Variants in LY75 observed in about 807,000 individuals in gnomAD.
LY75 encodes the protein lymphocyte antigen 75.
Under a neutral mutation model 231.7 loss-of-function variants are expected in LY75, and 185 were observed. The ratio of observed to expected loss-of-function variants is 0.80; its 90% CI spans 0.71 to 0.90. The LOEUF is 0.90. LY75 is among the 40% of genes least tolerant of loss of function. LY75 has a pLI of 0.00. For synonymous variants in LY75, 668 were observed against 689.0 expected, an observed-to-expected ratio of 0.97 and a Z score of 0.48; for missense variants, 1,947 against 2,050.2, an observed-to-expected ratio of 0.95 and a Z score of 0.97.
intron 32 of LY75, among the ~76,000 whole-genome samples, chr2:159,809,868 A>G (rs1682905355): frequency 6.6e-6 from 1 of 151,268 alleles, no homozygotes; most frequent in African/African-American, 2.4e-5. Flanking sequence ...AGTAGAGACG[A>G]GGGCTCGCCA....
chr2:159,848,085 T>TACACACACACACAC (rs1684260219), intron 23 of LY75, among the ~76,000 whole-genome samples: 2 of 33,968 alleles, frequency 5.9e-5, no homozygotes, highest in African/African-American at 2.6e-4. Context: ...TATATATATA[T>TACACACACACACAC]ATATATATAC....
chr2:159,824,422 C>T (rs573048496), intron 28 of LY75, among the ~76,000 whole-genome samples: 2 of 152,306 alleles, frequency 1.3e-5, no homozygotes, highest in African/African-American at 4.8e-5. Context: ...AGTTAACTAT[C>T]CAAAACATAT....
intron 2 of LY75, among the ~76,000 whole-genome samples, chr2:159,896,032 T>A (rs1341422163): frequency 2.4e-4 from 36 of 152,180 alleles, no homozygotes; most frequent in Non-Finnish European, 1.5e-5. Flanking sequence ...ATTTGTGAGA[T>A]GAGGTGATTA....
Position 159,840,895 on chromosome 2 carries a change from A to G in LY75, c.3341T>C (p.Leu1114Pro). 1 of 1,614,074 alleles carries G rather than the reference A, an allele frequency of 6.2e-7. No homozygotes were observed. Among genetic ancestry groups the G allele is most frequent in the Non-Finnish European group, 8.5e-7 (1 of 1,179,974 alleles). ...ASETVKYLNN[L>P]YKIIPKTLTW... ...CAGAGTCTTTGGGATTATTTTGTAC[A>G]GATTATTTAGATACTTTACAGTTTC... Residue 1114 changes from leucine to proline, a missense_variant, in exon 25 of 35, where the codon CTG becomes CCG. By Grantham distance (98) the Leu-to-Pro change is moderately conservative. Transcript: ENST00000263636.
Position 159,804,941 on chromosome 2 carries a change from T to C in LY75, c.*103A>G. 2.3e-6 allele frequency: 2 copies of C among 853,416 alleles called. No homozygotes were observed. Among genetic ancestry groups the C allele is most frequent in the Non-Finnish European group, 3.6e-6 (2 of 555,594 alleles). 52.9% of individuals were successfully genotyped at this position (853,416 alleles called of 1,614,324 possible). A position where few individuals can be genotyped will look rare whatever the true frequency, so the allele number is the denominator to read the frequency against. ...AGATCTAAACAACTGAAAAAGTATT[T>C]AAGAGTTCTACTTTGGAGCAGAGTA... On this transcript the variant is annotated 3_prime_UTR_variant, in exon 35 of 35. Coordinates refer to ENST00000263636, the MANE Select transcript of LY75 (RefSeq NM_002349.4).
chr2:159,875,308 C>T, intron 12 of LY75, 136 bp downstream of exon 12: 1 of 1,242,622 alleles, frequency 8.0e-7, no homozygotes, highest in Non-Finnish European at 1.1e-6. Context: ...CGATGCCCTG[C>T]CAAGGACTCT....
Position 159,850,791 on chromosome 2 carries a change from T to TATATATATATATATATATAAAA in LY75, c.2884-325_2884-324insTTTTATATATATATATATATAT, listed in dbSNP as rs1341394980. ...AAACTTTCATATATATATATATATA[T>TATATATATATATATATATAAAA]ATATATATTATATCTTATATATAAG... On this transcript the variant is annotated intron_variant, in intron 21 of 34. Transcript: ENST00000263636. 3.0e-3 allele frequency among the ~76,000 whole-genome samples: 285 copies of TATATATATATATATATATAAAA among 94,418 alleles called. 18 individuals are homozygous for TATATATATATATATATATAAAA. Among genetic ancestry groups the TATATATATATATATATATAAAA allele is most frequent in the Admixed American group, 0.027 (244 of 9,114 alleles). 61.9% of individuals were successfully genotyped at this position (94,418 alleles called of 152,430 possible). A position where few individuals can be genotyped will look rare whatever the true frequency, so the allele number is the denominator to read the frequency against.
chr2:159,875,648 G>T lies in LY75; in HGVS notation c.1775-5C>A. ...CCACGCAGCCGCCCGGGGAAGCTGG[G>T]ATTGAAGTGGAAAGCTCAATTAAAA... On this transcript the variant is annotated splice_region_variant and splice_polypyrimidine_tract_variant and intron_variant, in intron 11 of 34. Coordinates refer to ENST00000263636, the MANE Select transcript of LY75 (RefSeq NM_002349.4). 1 of 1,613,552 alleles carries T rather than the reference G, an allele frequency of 6.2e-7. No homozygotes were observed. Among genetic ancestry groups the T allele is most frequent in the East Asian group, 2.2e-5 (1 of 44,860 alleles).
chr2:159,874,223 A>AACGTAT (rs1560093252), intron 12 of LY75, among the ~76,000 whole-genome samples: 2 of 25,948 alleles, frequency 7.7e-5, no homozygotes, highest in Non-Finnish European at 2.4e-4. Flanking sequence ...AATATATATA[A>AACGTAT]ATATATTGTA....
At chr2:159,823,810 A>G (rs545688432) in intron 28 of LY75, among the ~76,000 whole-genome samples, 3 of 152,344 alleles carry the variant, frequency 2.0e-5, no homozygotes, top group Admixed American at 1.3e-4. Flanking sequence ...TTCCTAAAGA[A>G]AAGAATTTTC....
chr2:159,870,443 T>TCC (rs34087946), intron 13 of LY75, among the ~76,000 whole-genome samples: 56,537 of 151,816 alleles, frequency 0.37, 11,840 homozygotes, highest in South Asian at 0.67. Flanking sequence ...AAAACAAGAC[T>TCC]GTCTCAAAAA....
At chr2:159,886,616 ATCT>A in intron 4 of LY75, 86 bp from the exon 5 acceptor site, 2 of 1,323,372 alleles carry the variant, frequency 1.5e-6, no homozygotes, top group Non-Finnish European at 2.0e-6. Context: ...TAACAAACAA[ATCT>A]GCAGACCTTG....
At chr2:159,814,736 C>A (rs1683065732) in intron 31 of LY75, among the ~76,000 whole-genome samples, 1 of 151,312 alleles carries the variant, frequency 6.6e-6, no homozygotes, top group African/African-American at 2.4e-5. Context: ...AAAAGAAACT[C>A]TCTTAGAAAC....
chr2:159,850,322 C>T (rs1229448986), intron 22 of LY75, 40 bp downstream of exon 22: 1 of 1,608,638 alleles, frequency 6.2e-7, no homozygotes, highest in Non-Finnish European at 8.5e-7. Flanking sequence ...AACCTGGCCC[C>T]AGATCAGAAT....
chr2:159,830,720 A>G (rs2729707), intron 28 of LY75, among the ~76,000 whole-genome samples: 121,280 of 151,662 alleles, frequency 0.8, 48,675 homozygotes, highest in East Asian at 0.9. Context: ...TTCCCAAGTA[A>G]CTAGGCACAC....
Position 159,831,683 on chromosome 2 carries a change from T to G in LY75, c.3945A>C (p.Gly1315=). The change falls in exon 28 of 35, where the codon GGA becomes GGC. Residue 1315 remains glycine (G), a synonymous_variant. Transcript: ENST00000263636. ...FNYMASWVML[G]ITYRNKSLMW... The stretch of plus-strand genomic sequence containing the variant: ...TTTACAACTTACTTCTATAAGTTAT[T>G]CCTAACATGACCCATGAAGCCATAT... 1 of 1,609,602 alleles carries G rather than the reference T, an allele frequency of 6.2e-7. No individual in the cohort carries two copies. The highest frequency in any genetic ancestry group is 1.1e-5 in the South Asian group (1 of 89,434).
intron 28 of LY75, among the ~76,000 whole-genome samples, chr2:159,827,297 A>G (rs1305430009): frequency 6.6e-6 from 1 of 152,246 alleles, no homozygotes; most frequent in African/African-American, 2.4e-5. Flanking sequence ...AATTGGGCAA[A>G]GGATATGAAC....
At chr2:159,898,600 G>A (rs1462485239) in intron 2 of LY75, 88 bp downstream of exon 2, 14 of 1,531,170 alleles carry the variant, frequency 9.1e-6, no homozygotes, top group Admixed American at 2.0e-5. Flanking sequence ...ACTAATGTAC[G>A]ACTCTATTTT....
At position 159,840,732 on chromosome 2, in the gene LY75, T is replaced by C. The variant is rs751472367; in HGVS notation, c.3504A>G (p.Gln1168=). Residue 1168 remains glutamine (Q), a synonymous_variant, in exon 25 of 35, where the codon CAA becomes CAG. Coordinates refer to ENST00000263636, the MANE Select transcript of LY75 (RefSeq NM_002349.4). ...GCAGTTGGGACTGAACACTTACATC[T>C]TGACTGAAGAGTCCGATCCATAAGG... ...NSSLWIGLFS[Q]DDELNFGWSD... 9 of 1,614,048 alleles carry C rather than the reference T, an allele frequency of 5.6e-6. No homozygotes were observed. The highest frequency in any genetic ancestry group is 6.8e-6 in the Non-Finnish European group (8 of 1,179,946).
Sources: allele counts gnomAD v4.1 joint callset (sites outside exome capture counted in the v4.1 genomes callset), GRCh38; gene constraint gnomAD v4.1.1; transcripts MANE v1.5; gene names NCBI Gene and HGNC (gene_info 2026-07-23, HGNC 2026-07-21).